Variants in SLC26A7 observed in about 807,000 individuals in gnomAD.
The protein encoded by SLC26A7 is solute carrier family 26 member 7, also known as anion exchange transporter.
A neutral mutation model predicts 82.5 loss-of-function variants in SLC26A7; 59 were observed. The observed-to-expected ratio is 0.72, with a 90% CI of 0.58 to 0.89. The LOEUF (loss-of-function observed/expected upper bound fraction) is 0.89, where lower values mean the gene tolerates loss of function less well. Among genes scored for constraint, SLC26A7 ranks in the 40% least tolerant of loss-of-function variants. The pLI is 0.00. For missense variants in SLC26A7, 820 were observed against 793.0 expected, an observed-to-expected ratio of 1.03 and a Z score of -0.41; for synonymous variants, 271 against 274.3, an observed-to-expected ratio of 0.99 and a Z score of 0.12.
chr8:91,245,002 T>A (rs1810525037), upstream of SLC26A7, among the ~76,000 whole-genome samples: 1 of 152,196 alleles, frequency 6.6e-6, no homozygotes, highest in Non-Finnish European at 1.5e-5. Flanking sequence ...AACATAGAAC[T>A]TTGCTCACTC....
chr8:91,378,414 T>A, intron 15 of SLC26A7, among the ~76,000 whole-genome samples: 1 of 147,172 alleles, frequency 6.8e-6, no homozygotes, highest in South Asian at 2.1e-4. Context: ...AAAGTATATA[T>A]AAATAATATA....
intron 2 of SLC26A7, among the ~76,000 whole-genome samples, chr8:91,235,442 A>G (rs62527425): frequency 0.037 from 5,587 of 152,270 alleles, 110 homozygotes; most frequent in Middle Eastern, 0.048. Flanking sequence ...ATCTTTACTC[A>G]TTTAGATCAA....
intron 11 of SLC26A7, among the ~76,000 whole-genome samples, chr8:91,353,516 C>T (rs1422582617): frequency 6.6e-6 from 1 of 152,020 alleles, no homozygotes; most frequent in East Asian, 1.9e-4. Flanking sequence ...ATATATTGAA[C>T]CATGATAAAG....
In SLC26A7 at chr8:91,267,591, G is replaced by T. The variant is rs1226715827; in HGVS notation, c.193+17747G>T. On this transcript the variant is annotated intron_variant, in intron 2 of 18. Transcript: ENST00000276609. ...TTTTATGACCTTTTGTATTTCTGTG[G>T]TATCAATTGTAATATCTCCTTTTTA... Among the ~76,000 whole-genome samples the T allele has an allele frequency of 2.0e-5, 3 of 151,542 alleles. No homozygotes were observed. The East Asian group carries it at 5.8e-4, about 29-fold the overall frequency.
chr8:91,292,279 C>G (rs993988190), intron 3 of SLC26A7, among the ~76,000 whole-genome samples: 1 of 150,078 alleles, frequency 6.7e-6, no homozygotes, highest in African/African-American at 2.5e-5. Flanking sequence ...GCACTCCAGC[C>G]TGGGCGAGAG....
At chr8:91,279,125 G>GTATATATACATA (rs1811488161) in intron 2 of SLC26A7, among the ~76,000 whole-genome samples, 5 of 111,294 alleles carry the variant, frequency 4.5e-5, no homozygotes, top group African/African-American at 1.8e-4. Flanking sequence ...GTGTGTGTGT[G>GTATATATACATA]TATATATATA....
At chr8:91,387,426 A>T (rs1352473161) in intron 15 of SLC26A7, among the ~76,000 whole-genome samples, 1 of 152,210 alleles carries the variant, frequency 6.6e-6, no homozygotes, top group African/African-American at 2.4e-5. Flanking sequence ...CATAGCCTGA[A>T]TGTCCACTAA....
intron 3 of SLC26A7, among the ~76,000 whole-genome samples, chr8:91,290,513 G>A (rs1586369206): frequency 6.6e-6 from 1 of 152,224 alleles, no homozygotes; most frequent in Admixed American, 6.5e-5. Context: ...TCAACCATGC[G>A]ATATGTAAAC....
chr8:91,268,697 T>C (rs1586343056), intron 2 of SLC26A7, among the ~76,000 whole-genome samples: 1 of 151,876 alleles, frequency 6.6e-6, no homozygotes. Context: ...AAGGATTTAC[T>C]ACTGTCATTT....
upstream of SLC26A7, among the ~76,000 whole-genome samples, chr8:91,244,526 G>A (rs1810518442): frequency 6.7e-6 from 1 of 149,800 alleles, no homozygotes; most frequent in Non-Finnish European, 1.5e-5. Flanking sequence ...GTTTTTGAGA[G>A]AGGATCTTGC....
chr8:91,307,801 A>C (rs969935350), intron 4 of SLC26A7, among the ~76,000 whole-genome samples: 2 of 76,556 alleles, frequency 2.6e-5, no homozygotes, highest in South Asian at 8.8e-4. Context: ...AAGTATAATA[A>C]TAAAAATAAA....
At chr8:91,306,074 G>T (rs1812296452) in intron 4 of SLC26A7, among the ~76,000 whole-genome samples, 1 of 152,120 alleles carries the variant, frequency 6.6e-6, no homozygotes, top group Non-Finnish European at 1.5e-5. Flanking sequence ...AAAATGTCTT[G>T]CTTTATTTTC....
chr8:91,268,048 C>T (rs1811162068), intron 2 of SLC26A7, among the ~76,000 whole-genome samples: 1 of 151,796 alleles, frequency 6.6e-6, no homozygotes, highest in African/African-American at 2.4e-5. Context: ...TGTATTTCTA[C>T]AGTTTCCAAT....
rs370558318 is a variant in SLC26A7 at position 91,315,863 on chromosome 8, C to T, written c.478-2353C>T. Among the ~76,000 whole-genome samples the T allele has an allele frequency of 8.0e-4, 122 of 152,176 alleles. 1 individual carries two copies. The highest frequency in any genetic ancestry group is 2.6e-3 in the African/African-American group (107 of 41,532). Reference sequence around the variant, plus strand: ...CATAGGTTAAACATTTTACAGGTTTCGAATACCTTGCATGTATTATTTCAC... The same window carrying T: ...CATAGGTTAAACATTTTACAGGTTTTGAATACCTTGCATGTATTATTTCAC... On this transcript the variant is annotated intron_variant, in intron 4 of 18. Coordinates refer to ENST00000276609, the MANE Select transcript of SLC26A7 (RefSeq NM_052832.4).
intron 5 of SLC26A7, among the ~76,000 whole-genome samples, chr8:91,321,184 C>T (rs566107620): frequency 3.9e-5 from 6 of 152,288 alleles, no homozygotes; most frequent in South Asian, 4.1e-4. Context: ...GCTAATATTT[C>T]CATCTCTTTG....
chr8:91,319,918 TTC>T (rs1812743309), intron 5 of SLC26A7, among the ~76,000 whole-genome samples: 1 of 152,208 alleles, frequency 6.6e-6, no homozygotes, highest in Non-Finnish European at 1.5e-5. Context: ...TTCAGCTTGT[TTC>T]TCTGGTGGGA....
rs747575289 is a variant in SLC26A7, at chr8:91,369,819, A to G, written c.1661A>G (p.Asn554Ser). The G allele has an allele frequency of 6.2e-7, 1 of 1,603,846 alleles. No homozygotes were observed. The highest frequency in any genetic ancestry group is 2.3e-5 in the East Asian group (1 of 43,988). The part of the protein sequence containing the change: ...EQNTLLNSLS[N>S]GNCNEEASQS... Reference sequence around the variant, plus strand: ...AACACATTGCTTAATTCCCTATCCAATGGCAACTGCAATGGTGAGTTAGCT... The same window carrying G: ...AACACATTGCTTAATTCCCTATCCAGTGGCAACTGCAATGGTGAGTTAGCT... Residue 554 changes from asparagine (N) to serine (S), a missense_variant, in exon 15 of 19, where the codon AAT becomes AGT. Physicochemically the swap from Asn to Ser is conservative, Grantham distance 46. Transcript: ENST00000276609.
At chr8:91,297,795 CA>C (rs1812054932) in intron 4 of SLC26A7, among the ~76,000 whole-genome samples, 1 of 152,164 alleles carries the variant, frequency 6.6e-6, no homozygotes, top group Non-Finnish European at 1.5e-5. Flanking sequence ...CCAGTTTCTA[CA>C]AACATATGAA....
intron 2 of SLC26A7, among the ~76,000 whole-genome samples, chr8:91,239,395 A>AAT (rs1554600120): frequency 0.012 from 1,118 of 94,416 alleles, 19 homozygotes; most frequent in Non-Finnish European, 0.015. Context: ...AAAAAAAAAA[A>AAT]ATATATATAT....
Sources: allele counts gnomAD v4.1 joint callset (sites outside exome capture counted in the v4.1 genomes callset), GRCh38; gene constraint gnomAD v4.1.1; transcripts MANE v1.5; gene names NCBI Gene and HGNC (gene_info 2026-07-23, HGNC 2026-07-21).